Variants in EIF4E3 observed in about 807,000 individuals in gnomAD.
The protein encoded by EIF4E3 is eukaryotic translation initiation factor 4E type 3.
A neutral mutation model predicts 31.7 loss-of-function variants in EIF4E3; 26 were observed. The ratio of observed to expected loss-of-function variants is 0.82; its 90% CI spans 0.60 to 1.14. The LOEUF is 1.14. EIF4E3 is among the 50% of genes most tolerant of loss of function. The pLI, the probability that EIF4E3 is intolerant of heterozygous loss-of-function variation, is 0.00. For synonymous variants in EIF4E3, 128 were observed against 107.7 expected (o/e 1.19, Z -1.17); for missense variants, 304 against 270.9 (o/e 1.12, Z -0.86).
intron 4 of EIF4E3, 58 bp downstream of exon 4, chr3:71,696,402 C>A (rs2049136263): frequency 2.5e-6 from 4 of 1,593,698 alleles, no homozygotes; most frequent in Non-Finnish European, 3.4e-6. Flanking sequence ...ATGCTGATGA[C>A]AGGCAGTCAA....
intron 1 of EIF4E3, among the ~76,000 whole-genome samples, chr3:71,719,966 A>G (rs1413308469): frequency 6.6e-6 from 1 of 151,996 alleles, no homozygotes; most frequent in African/African-American, 2.4e-5. Context: ...ATGAGTCATG[A>G]CTGCGCCACT....
At chr3:71,714,196 G>C (rs959966946) in intron 1 of EIF4E3, among the ~76,000 whole-genome samples, 5 of 146,912 alleles carry the variant, frequency 3.4e-5, no homozygotes, top group Non-Finnish European at 7.4e-5. Context: ...TGGGCAACAA[G>C]AGCAAAACTC....
chr3:71,725,267 A>T lies in EIF4E3; in HGVS notation c.101T>A (p.Leu34Gln). 9.6e-7 allele frequency: 1 copy of T among 1,036,582 alleles called. No homozygotes were observed. The highest frequency in any genetic ancestry group is 1.2e-6 in the Non-Finnish European group (1 of 865,440). 64.2% of individuals were successfully genotyped at this position (1,036,582 alleles called of 1,614,324 possible). Residue 34 changes from leucine (L) to glutamine (Q), a missense_variant, in exon 1 of 7, where the codon CTG (leucine) becomes CAG (glutamine). Leu to Gln is a moderately radical substitution (Grantham distance 113). Coordinates refer to ENST00000425534, the MANE Select transcript of EIF4E3 (RefSeq NM_001134651.2). This position sits in a 1 kb window ranked among gnomAD's most constrained non-coding sequence, Gnocchi z 6.1. ...AGGCTGCAGCGCCGACAGCTGCTGC[A>T]GGCCGAGCGGCGGCTCGGGGGCGGC... ...AAAAPEPPLG[L>Q]QQLSALQPEP...
chr3:71,742,979 T>A (rs556925406), intron 1 of EIF4E3, among the ~76,000 whole-genome samples: 1 of 152,232 alleles, frequency 6.6e-6, no homozygotes, highest in East Asian at 1.9e-4. Flanking sequence ...CTCAGCAAAG[T>A]AGGAATGGAA....
At position 71,711,969 on chromosome 3, in the gene EIF4E3, C is replaced by T. The variant is rs1022239389; in HGVS notation, c.177-1485G>A. Reference sequence around the variant, plus strand: ...CTGTACTCCAGCCCGGGTGACAGAGCGAGACTCTGTCTGAAAAAAACAAAA... The same window carrying T: ...CTGTACTCCAGCCCGGGTGACAGAGTGAGACTCTGTCTGAAAAAAACAAAA... On this transcript the variant is annotated intron_variant, in intron 1 of 6. Coordinates refer to ENST00000425534, the MANE Select transcript of EIF4E3 (RefSeq NM_001134651.2). 5.3e-5 allele frequency among the ~76,000 whole-genome samples: 8 copies of T among 152,036 alleles called. No homozygotes were observed. In the East Asian group the frequency reaches 7.7e-4, roughly 15 times the overall value.
the EIF4E3 span, among the ~76,000 whole-genome samples, chr3:71,659,432 T>A: frequency 6.6e-6 from 1 of 152,182 alleles, no homozygotes; most frequent in South Asian, 2.1e-4. Flanking sequence ...CAAATCTGAA[T>A]AGAACATACT....
At chr3:71,722,007 G>C (rs2049557237) in intron 1 of EIF4E3, among the ~76,000 whole-genome samples, 2 of 149,152 alleles carry the variant, frequency 1.3e-5, no homozygotes, top group African/African-American at 4.9e-5. Context: ...TGGCAGAAGG[G>C]AGAGTGACAA....
upstream of EIF4E3, among the ~76,000 whole-genome samples, chr3:71,730,208 G>A (rs1425361404): frequency 3.3e-5 from 5 of 152,114 alleles, no homozygotes; most frequent in Admixed American, 1.3e-4. Flanking sequence ...GGGAGGCTGC[G>A]GTGTGGTTCA....
chr3:71,660,806 A>G, the EIF4E3 span, among the ~76,000 whole-genome samples: 1 of 152,322 alleles, frequency 6.6e-6, no homozygotes, highest in East Asian at 1.9e-4. Context: ...TTTTGGAAAG[A>G]GCTGTGTGAG....
chr3:71,690,111 T>C lies in EIF4E3; in HGVS notation c.527A>G (p.Gln176Arg). ...VSVRDREDVV[Q>R]VWNVNASLVG... Reference sequence around the variant, plus strand: ...TAAAGAGGCATTTACATTCCAGACTTGGACGACGTCTTCTCGGTCCCGAAC... The same window carrying C: ...TAAAGAGGCATTTACATTCCAGACTCGGACGACGTCTTCTCGGTCCCGAAC... Residue 176 changes from glutamine (Q) to arginine (R), a missense_variant, in exon 6 of 7, where the codon CAA (glutamine) becomes CGA (arginine). Coordinates refer to ENST00000425534, the MANE Select transcript of EIF4E3 (RefSeq NM_001134651.2). The C allele has an allele frequency of 6.2e-7, 1 of 1,613,930 alleles. No individual in the cohort carries two copies. Among genetic ancestry groups the C allele is most frequent in the Non-Finnish European group, 8.5e-7 (1 of 1,179,934 alleles).
chr3:71,660,037 G>A, the EIF4E3 span, among the ~76,000 whole-genome samples: 1 of 152,362 alleles, frequency 6.6e-6, no homozygotes, highest in East Asian at 1.9e-4. Context: ...CTAAGGATCA[G>A]AGTCTGTATT....
In EIF4E3 at chr3:71,682,638, G is replaced by GA; in HGVS notation, c.*2043dup. 6.5e-6 allele frequency: 1 copy of GA among 152,746 alleles called. No homozygotes were observed. Among genetic ancestry groups the GA allele is most frequent in the East Asian group, 1.9e-4 (1 of 5,192 alleles). 9.5% of individuals were successfully genotyped at this position (152,746 alleles called of 1,614,324 possible). A position where few individuals can be genotyped will look rare whatever the true frequency, so the allele number is the denominator to read the frequency against. On this transcript the variant is annotated 3_prime_UTR_variant, in exon 7 of 7. Transcript: ENST00000425534. ...ACAGTTGGTATTTTCTAAAGGGTCA[G>GA]AAACAGTTGCAGAAGTTCACTGGGG...
At position 71,675,448 on chromosome 3, in the gene EIF4E3, C is replaced by T. The variant is rs1667120560; in HGVS notation, c.*9234G>A. ...AAATTTTTTAATTCCCAGTTAAAAC[C>T]TTGAGAAAATAAGCAAGTAGATGGT... On this transcript the variant is annotated 3_prime_UTR_variant, in exon 7 of 7. Coordinates refer to ENST00000425534, the MANE Select transcript of EIF4E3 (RefSeq NM_001134651.2). 1 of 152,128 alleles carries T rather than the reference C, an allele frequency of 6.6e-6. No individual in the cohort carries two copies. The highest frequency in any genetic ancestry group is 1.5e-5 in the Non-Finnish European group (1 of 68,018). The allele number at this position is 152,128 out of a possible 1,614,324, so 9.4% of individuals were successfully genotyped here.
chr3:71,699,650 C>T lies in EIF4E3; in HGVS notation c.308G>A (p.Ser103Asn), dbSNP rs2049187426. The T allele has an allele frequency of 6.2e-7, 1 of 1,613,792 alleles. No individual in the cohort carries two copies. The highest frequency in any genetic ancestry group is 8.5e-7 in the Non-Finnish European group (1 of 1,179,908). ...PPVTSLPLRC[S>N]YHLMRGERRP... ...CCTCTCTCCTCTCATTAAATGATAA[C>T]TACATCTCAAAGGCAGGCTAGTCAC... The change falls in exon 3 of 7, where the codon AGT becomes AAT. Residue 103 changes from serine to asparagine, a missense_variant. By Grantham distance (46) the Ser-to-Asn change is conservative. Coordinates refer to ENST00000425534, the MANE Select transcript of EIF4E3 (RefSeq NM_001134651.2).
chr3:71,741,202 A>G (rs1273278956), intron 1 of EIF4E3, among the ~76,000 whole-genome samples: 1 of 151,872 alleles, frequency 6.6e-6, no homozygotes, highest in Non-Finnish European at 1.5e-5. Flanking sequence ...GCGCACACAC[A>G]CACACACACA....
intron 1 of EIF4E3, among the ~76,000 whole-genome samples, chr3:71,736,095 A>C (rs968484159): frequency 1.3e-5 from 2 of 152,262 alleles, no homozygotes; most frequent in African/African-American, 4.8e-5. Context: ...AAATTAAAAC[A>C]ATGAGATACC....
the EIF4E3 span, among the ~76,000 whole-genome samples, chr3:71,666,024 A>T: frequency 6.6e-6 from 1 of 152,154 alleles, no homozygotes; most frequent in Non-Finnish European, 1.5e-5. Flanking sequence ...ACACCCTAAC[A>T]TCACAAAAGA....
chr3:71,739,803 A>C (rs2049801717), intron 1 of EIF4E3, among the ~76,000 whole-genome samples: 1 of 152,202 alleles, frequency 6.6e-6, no homozygotes, highest in Admixed American at 6.5e-5. Flanking sequence ...AATGATAACC[A>C]CATGGGTAAA....
intron 5 of EIF4E3, 71 bp from the exon 6 acceptor site, chr3:71,690,236 A>G (rs1289310652): frequency 4.1e-6 from 6 of 1,450,818 alleles, no homozygotes; most frequent in Non-Finnish European, 5.5e-6. Context: ...CTAAGAACTT[A>G]GTCTTTTTAT....
Sources: allele counts gnomAD v4.1 joint callset (sites outside exome capture counted in the v4.1 genomes callset), GRCh38; gene constraint gnomAD v4.1.1; non-coding constraint Gnocchi (gnomAD v3.1); transcripts MANE v1.5; gene names NCBI Gene and HGNC (gene_info 2026-07-23, HGNC 2026-07-21).